Variants in CENPT observed in about 807,000 individuals in gnomAD.
CENPT encodes the protein centromere protein T, also known as interphase centromere complex protein 22.
CENPT carries 42 observed loss-of-function variants against 59.7 expected under a neutral mutation model. The observed-to-expected ratio is 0.70, with a 90% confidence interval of 0.55 to 0.91. The LOEUF is 0.91. Among genes scored for constraint, CENPT ranks in the 40% least tolerant of loss-of-function variants. The pLI, the probability that CENPT is intolerant of heterozygous loss-of-function variation, is 0.00. For missense variants in CENPT, 716 were observed against 713.4 expected, an observed-to-expected ratio of 1.00 and a Z score of -0.04; for synonymous variants, 295 against 289.6, an observed-to-expected ratio of 1.02 and a Z score of -0.19.
rs994948681 is a variant in CENPT at position 67,833,890 on chromosome 16, A to C, written c.-31T>G. 4 of 1,381,334 alleles carry C rather than the reference A, an allele frequency of 2.9e-6. No individual in the cohort carries two copies. The highest frequency in any genetic ancestry group is 3.0e-5 in the African/African-American group (2 of 66,588). The allele number at this position is 1,381,334 out of a possible 1,614,324, so 85.6% of individuals were successfully genotyped here. A position where few individuals can be genotyped will look rare whatever the true frequency, so the allele number is the denominator to read the frequency against. ...CGGCCCCGGGCCCTCCTAACCGCCC[A>C]GCCAGCTGCAGGCTCCGCCTTCCCG... is the stretch of plus-strand genomic sequence containing the variant. On this transcript the variant is annotated 5_prime_UTR_variant, in exon 4 of 16. Coordinates refer to ENST00000562787, the MANE Select transcript of CENPT (RefSeq NM_025082.4).
chr16:67,832,226 A>G lies in CENPT; in HGVS notation c.289+2T>C, dbSNP rs1269045716. ...CTGACCGGCAGGCCAGCGCTCACTT[A>G]CCAGTTAGTAGGATGTTCTTCAGCA... is the stretch of plus-strand genomic sequence containing the variant. On this transcript the variant is annotated splice_donor_variant, in intron 6 of 15. Coordinates refer to ENST00000562787, the MANE Select transcript of CENPT (RefSeq NM_025082.4). LOFTEE classifies it high-confidence loss of function. 1 of 1,614,082 alleles carries G rather than the reference A, an allele frequency of 6.2e-7. No homozygotes were observed. The highest frequency in any genetic ancestry group is 2.2e-5 in the East Asian group (1 of 44,876).
chr16:67,845,947 A>G (rs1212077653), intron 1 of CENPT, among the ~76,000 whole-genome samples: 1 of 152,246 alleles, frequency 6.6e-6, no homozygotes, highest in Non-Finnish European at 1.5e-5. Context: ...AGGAGTACTG[A>G]GAGACCTCCG....
At chr16:67,834,363 T>C (rs555280334) in intron 3 of CENPT, among the ~76,000 whole-genome samples, 1 of 152,334 alleles carries the variant, frequency 6.6e-6, no homozygotes, top group South Asian at 2.1e-4. Context: ...ATTCCAATAC[T>C]TTAGGACACC....
At chr16:67,841,918 GC>G (rs2151289035) in intron 1 of CENPT, 1 of 152,380 alleles carries the variant, frequency 6.6e-6, no homozygotes, top group East Asian at 1.9e-4. Context: ...GCACAACCTC[GC>G]CCGAATCCTG....
Position 67,833,831 on chromosome 16 carries a change from G to A in CENPT, c.29C>T (p.Ser10Phe). 6.4e-7 allele frequency: 1 copy of A among 1,573,004 alleles called. No homozygotes were observed. The highest frequency in any genetic ancestry group is 2.5e-5 in the East Asian group (1 of 40,158). Residue 10 changes from serine to phenylalanine, a missense_variant, in exon 4 of 16, where the codon TCC becomes TTC. Transcript: ENST00000562787. The stretch of plus-strand genomic sequence containing the variant: ...GCGTCGCAGCAGCGTGCGCGGCGTG[G>A]AGTCGCTGTCAGGGTTGTGGTCAGC... MADHNPDSD[S>F]TPRTLLRRVL...
At position 67,828,751 on chromosome 16, in the gene CENPT, G is replaced by C. The variant is rs1157489139; in HGVS notation, c.1373C>G (p.Ala458Gly). The change falls in exon 14 of 16, where the codon GCT becomes GGT. Residue 458 changes from alanine to glycine, a missense_variant. By Grantham distance (60) the Ala-to-Gly change is moderately conservative. Coordinates refer to ENST00000562787, the MANE Select transcript of CENPT (RefSeq NM_025082.4). ...GAGTTTCACATAGTGGCTCAGTCCA[G>C]CCTTGTGGGGATCTTGCCGGGGCCT... is the stretch of plus-strand genomic sequence containing the variant. ...GPRPRQDPHKAGLSHYVKLFS... is the reference protein window; with the variant it reads ...GPRPRQDPHKGGLSHYVKLFS... 3 of 1,612,078 alleles carry C rather than the reference G, an allele frequency of 1.9e-6. No homozygotes were observed. The highest frequency in any genetic ancestry group is 2.2e-5 in the East Asian group (1 of 44,894).
At chr16:67,828,627 C>T (rs376562503) in intron 14 of CENPT, 40 bp downstream of exon 14, 35 of 1,613,836 alleles carry the variant, frequency 2.2e-5, no homozygotes, top group Admixed American at 6.7e-5. Flanking sequence ...GATCATGACC[C>T]GAGGGGTTCC....
Position 67,843,279 on chromosome 16 carries a change from C to T in CENPT, c.-492+4122G>A. On this transcript the variant is annotated intron_variant, in intron 1 of 15. Coordinates refer to ENST00000562787, the MANE Select transcript of CENPT (RefSeq NM_025082.4). This position sits in a 1 kb window ranked among gnomAD's most constrained non-coding sequence, Gnocchi z 5.7. Reference sequence around the variant, plus strand: ...GAAGAGGGCTTCCCTGATACTGGCTCCGACCATTCGTACTCCTTGTCGTCA... The same window carrying T: ...GAAGAGGGCTTCCCTGATACTGGCTTCGACCATTCGTACTCCTTGTCGTCA... 1 of 1,613,734 alleles carries T rather than the reference C, an allele frequency of 6.2e-7. No homozygotes were observed. Among genetic ancestry groups the T allele is most frequent in the Non-Finnish European group, 8.5e-7 (1 of 1,179,986 alleles).
At position 67,828,322 on chromosome 16, in the gene CENPT, C is replaced by T. The variant is rs746515556; in HGVS notation, c.1631G>A (p.Arg544Gln). Residue 544 changes from arginine (R) to glutamine (Q), a missense_variant, in exon 16 of 16, where the codon CGG (arginine) becomes CAG (glutamine). Arg to Gln is a conservative substitution (Grantham distance 43). Transcript: ENST00000562787. Reference protein sequence around the residue: ...LVERHLPLEYRQLLIPCAYSG... With the variant: ...LVERHLPLEYQQLLIPCAYSG... ...GTATGCACAGGGGATGAGCAGCTGC[C>T]GGTACTCCAGGGGCAGGTGCCGCTC... is the stretch of plus-strand genomic sequence containing the variant. 1.2e-5 allele frequency: 19 copies of T among 1,608,716 alleles called. No individual in the cohort carries two copies. Among genetic ancestry groups the T allele is most frequent in the African/African-American group, 6.7e-5 (5 of 74,738 alleles).
chr16:67,828,277 G>A lies in CENPT; in HGVS notation c.1676C>T (p.Pro559Leu). ...PCAYSGNSVF[P>L]AQ ...GTTGAAGCCTGGCCACTACTGGGCA[G>A]GGAAGACAGAGTTGCCACTGTATGC... is the stretch of plus-strand genomic sequence containing the variant. Residue 559 changes from proline (P) to leucine (L), a missense_variant, in exon 16 of 16, where the codon CCT (proline) becomes CTT (leucine). Transcript: ENST00000562787. 6.3e-7 allele frequency: 1 copy of A among 1,595,886 alleles called. No homozygotes were observed. Among genetic ancestry groups the A allele is most frequent in the Non-Finnish European group, 8.6e-7 (1 of 1,167,590 alleles).
Position 67,829,222 on chromosome 16 carries a change from C to T in CENPT, c.1280+201G>A, listed in dbSNP as rs1704541441. The T allele has an allele frequency of 1.7e-5, 9 of 535,140 alleles. No homozygotes were observed. The South Asian group carries it at 2.6e-4, about 15-fold the overall frequency. The allele number at this position is 535,140 out of a possible 1,614,324, so 33.1% of individuals were successfully genotyped here. Reference sequence around the variant, plus strand: ...CTACAAACCAACCACATACTTTCCCCTCACCCAGGCTCCTCTAAGCCGTGG... The same window carrying T: ...CTACAAACCAACCACATACTTTCCCTTCACCCAGGCTCCTCTAAGCCGTGG... On this transcript the variant is annotated intron_variant, in intron 13 of 15. Coordinates refer to ENST00000562787, the MANE Select transcript of CENPT (RefSeq NM_025082.4).
Position 67,832,228 on chromosome 16 carries a change from C to T in CENPT, c.289G>A (p.Ala97Thr), listed in dbSNP as rs1207033086. 6.2e-7 allele frequency: 1 copy of T among 1,614,124 alleles called. No homozygotes were observed. Among genetic ancestry groups the T allele is most frequent in the Non-Finnish European group, 8.5e-7 (1 of 1,179,966 alleles). ...GACCGGCAGGCCAGCGCTCACTTAC[C>T]AGTTAGTAGGATGTTCTTCAGCAGC... ...RTLLKNILLT[A>T]PESSILMPES... The change falls in exon 6 of 16, where the codon GCC becomes ACC. Residue 97 changes from alanine (A) to threonine (T), a missense_variant and splice_region_variant. By Grantham distance (58) the Ala-to-Thr change is moderately conservative. Coordinates refer to ENST00000562787, the MANE Select transcript of CENPT (RefSeq NM_025082.4).
chr16:67,839,256 G>A (rs1033588945), intron 1 of CENPT, among the ~76,000 whole-genome samples: 38 of 151,718 alleles, frequency 2.5e-4, no homozygotes, highest in Non-Finnish European at 5.0e-4. Flanking sequence ...TATGGTGGTG[G>A]GCACCTATAA....
Position 67,833,893 on chromosome 16 carries a change from C to T in CENPT, c.-34G>A, listed in dbSNP as rs1325536727. ...CCCCGGGCCCTCCTAACCGCCCAGC[C>T]AGCTGCAGGCTCCGCCTTCCCGCCG... On this transcript the variant is annotated 5_prime_UTR_variant, in exon 4 of 16. Coordinates refer to ENST00000562787, the MANE Select transcript of CENPT (RefSeq NM_025082.4). 7.3e-7 allele frequency: 1 copy of T among 1,365,300 alleles called. No individual in the cohort carries two copies. Among genetic ancestry groups the T allele is most frequent in the South Asian group, 1.5e-5 (1 of 66,468 alleles). 84.6% of individuals were successfully genotyped at this position (1,365,300 alleles called of 1,614,324 possible).
rs775107237 is a variant in CENPT, at chr16:67,842,611, G to A, written c.-492+4790C>T. ...GCTACAACAACTCGCACCGGGACAA[G>A]GCGCTGCACTTCTACACGTTTCCAA... On this transcript the variant is annotated intron_variant, in intron 1 of 15. Coordinates refer to ENST00000562787, the MANE Select transcript of CENPT (RefSeq NM_025082.4). The surrounding 1 kb of genome is among the most constrained non-coding windows in gnomAD (Gnocchi z 4.9). 4 of 1,550,832 alleles carry A rather than the reference G, an allele frequency of 2.6e-6. No homozygotes were observed. Among genetic ancestry groups the A allele is most frequent in the African/African-American group, 1.4e-5 (1 of 73,176 alleles).
intron 1 of CENPT, among the ~76,000 whole-genome samples, chr16:67,845,498 C>T (rs941267253): frequency 6.6e-6 from 1 of 152,248 alleles, no homozygotes; most frequent in Non-Finnish European, 1.5e-5. Context: ...GGAAGCACTG[C>T]AGTGCCCTTT....
At chr16:67,830,667 G>T in intron 10 of CENPT, 119 bp from the exon 11 acceptor site, 1 of 1,009,534 alleles carries the variant, frequency 9.9e-7, no homozygotes, top group Non-Finnish European at 1.5e-6. Flanking sequence ...CTGGACAGTG[G>T]GCTGCATGGG....
At chr16:67,847,104 G>C (rs1318584621) in intron 1 of CENPT, 1 of 150,652 alleles carries the variant, frequency 6.6e-6, no homozygotes, top group Non-Finnish European at 1.5e-5. Context: ...CCCCCCGGCG[G>C]CCCGAAGCCG....
Position 67,834,146 on chromosome 16 carries a change from T to C in CENPT, c.-241-46A>G, listed in dbSNP as rs1206273339. 4 of 348,306 alleles carry C rather than the reference T, an allele frequency of 1.1e-5. No individual in the cohort carries two copies. The South Asian group carries it at 2.6e-4, about 23-fold the overall frequency. 21.6% of individuals were successfully genotyped at this position (348,306 alleles called of 1,614,324 possible). A position where few individuals can be genotyped will look rare whatever the true frequency, so the allele number is the denominator to read the frequency against. On this transcript the variant is annotated intron_variant, in intron 3 of 15. Coordinates refer to ENST00000562787, the MANE Select transcript of CENPT (RefSeq NM_025082.4). ...CCACCTGATAAGGAGCTTGTAATGA[T>C]TCAAGGAGTTGATGTTTAACTCAGA...
Sources: gnomAD v4.1 joint callset for allele counts (sites outside exome capture counted in the v4.1 genomes callset) on GRCh38, gnomAD v4.1.1 for gene constraint, Gnocchi (gnomAD v3.1) non-coding constraint, MANE v1.5 for transcripts, NCBI Gene and HGNC (gene_info 2026-07-23, HGNC 2026-07-21) for gene names.